Variants in GLDC observed in about 807,000 individuals in gnomAD.
GLDC encodes the protein glycine decarboxylase, also known as glycine dehydrogenase (decarboxylating), mitochondrial.
GLDC carries 104 observed loss-of-function variants against 121.3 expected under a neutral mutation model. The ratio of observed to expected loss-of-function variants is 0.86; its 90% CI spans 0.73 to 1.01. The LOEUF (loss-of-function observed/expected upper bound fraction) is 1.01. GLDC is among the 50% of genes least tolerant of loss of function. GLDC has a pLI of 0.00. For missense variants in GLDC, 1,429 were observed against 1,306.6 expected (o/e 1.09, Z -1.44); for synonymous variants, 546 against 480.6 (o/e 1.14, Z -1.78).
chr9:6,536,354 A>C, intron 22 of GLDC, 118 bp from the exon 23 acceptor site: 1 of 908,622 alleles, frequency 1.1e-6, no homozygotes, highest in Non-Finnish European at 1.8e-6. Flanking sequence ...ATACATTTGC[A>C]AATGTATGTA....
chr9:6,565,846 C>T (rs1170717164), intron 15 of GLDC: 2 of 365,358 alleles, frequency 5.5e-6, no homozygotes, highest in Admixed American at 4.3e-5. Context: ...TTCTCACTAA[C>T]CACTTTCATG....
intron 2 of GLDC, among the ~76,000 whole-genome samples, chr9:6,643,384 G>A (rs1163233637): frequency 6.6e-6 from 1 of 150,646 alleles, no homozygotes; most frequent in Non-Finnish European, 1.5e-5. Context: ...TACCTCAAAT[G>A]TCCACCTTCA....
chr9:6,549,510 G>T (rs1012725066), intron 21 of GLDC, among the ~76,000 whole-genome samples: 5 of 152,144 alleles, frequency 3.3e-5, no homozygotes, highest in African/African-American at 4.8e-5. Context: ...CCCCTCACCA[G>T]GCACCCAACT....
rs546306047 is a variant in GLDC, at chr9:6,630,386, C to T, written c.335-10067G>A. Among the ~76,000 whole-genome samples the T allele has an allele frequency of 2.6e-5, 4 of 152,314 alleles. No individual in the cohort carries two copies. The East Asian group carries it at 7.7e-4, about 29-fold the overall frequency. ...GTCCCAGGCATCAGTAGGCCATCCACAGACCATGTTCTGGGGAGCCCAGCC... is the reference window on the plus strand; with the variant it reads ...GTCCCAGGCATCAGTAGGCCATCCATAGACCATGTTCTGGGGAGCCCAGCC... On this transcript the variant is annotated intron_variant, in intron 2 of 24. Coordinates refer to ENST00000321612, the MANE Select transcript of GLDC (RefSeq NM_000170.3).
chr9:6,597,613 A>G (rs1164219367), intron 8 of GLDC, among the ~76,000 whole-genome samples: 1 of 152,124 alleles, frequency 6.6e-6, no homozygotes, highest in South Asian at 2.1e-4. Flanking sequence ...CCAATGAAAG[A>G]GCTGCTCATT....
intron 2 of GLDC, among the ~76,000 whole-genome samples, chr9:6,636,771 T>C (rs2438410): frequency 0.34 from 51,272 of 151,580 alleles, 9,658 homozygotes; most frequent in East Asian, 0.51. Context: ...TGAGACCCCA[T>C]CTCAAAAATA....
At chr9:6,572,418 G>T (rs1157766873) in intron 15 of GLDC, among the ~76,000 whole-genome samples, 1 of 152,164 alleles carries the variant, frequency 6.6e-6, no homozygotes, top group Non-Finnish European at 1.5e-5. Flanking sequence ...GAGTTTAGAG[G>T]TGTGTGTGGG....
At position 6,605,080 on chromosome 9, in the gene GLDC, T is replaced by C. The variant is rs751466355; in HGVS notation, c.861+51A>G. The C allele has an allele frequency of 3.7e-5, 56 of 1,508,774 alleles. 1 individual carries two copies. In the South Asian group the frequency reaches 4.1e-4, roughly 11 times the overall value. The allele number at this position is 1,508,774 out of a possible 1,614,324, so 93.5% of individuals were successfully genotyped here. ...ACAGAGAGAGAGATAGGTAGACAGA[T>C]ACAAGTTGGGATACGCCTCCACGGA... On this transcript the variant is annotated intron_variant, in intron 6 of 24. Transcript: ENST00000321612.
In GLDC at chr9:6,592,631, C is replaced by T. The variant is rs942274795; in HGVS notation, c.1401+220G>A. Reference sequence around the variant, plus strand: ...TGAACAAAATATGTGCATTTCAGTCCCACATATGAAAACACTAAGTCTAAA... The same window carrying T: ...TGAACAAAATATGTGCATTTCAGTCTCACATATGAAAACACTAAGTCTAAA... On this transcript the variant is annotated intron_variant, in intron 10 of 24. Coordinates refer to ENST00000321612, the MANE Select transcript of GLDC (RefSeq NM_000170.3). Among the ~76,000 whole-genome samples, 4 of 152,032 alleles carry T rather than the reference C, an allele frequency of 2.6e-5. No individual in the cohort carries two copies. In the South Asian group the frequency reaches 8.3e-4, roughly 31 times the overall value.
intron 17 of GLDC, chr9:6,558,111 GA>G (rs1487428804): frequency 4.0e-6 from 1 of 248,032 alleles, no homozygotes; most frequent in Non-Finnish European, 7.8e-6. Flanking sequence ...TTGGGAGGTT[GA>G]GAGTGGGGGT....
Position 6,645,368 on chromosome 9 carries a change from G to C in GLDC, c.132C>G (p.Ser44Arg), listed in dbSNP as rs771189520. The C allele has an allele frequency of 2.1e-5, 32 of 1,535,374 alleles. No individual in the cohort carries two copies. The South Asian group carries it at 3.6e-4, about 17-fold the overall frequency. The change falls in exon 1 of 25, where the codon AGC becomes AGG. Residue 44 changes from serine (S) to arginine (R), a missense_variant. Coordinates refer to ENST00000321612, the MANE Select transcript of GLDC (RefSeq NM_000170.3). ...GGAGGCGCGAGGCCCCAGCCGCGGC[G>C]CTGTCCCCGCCGCCACTGCTGCTGT... is the stretch of plus-strand genomic sequence containing the variant. ...SRDSSSGGGD[S>R]AAAGASRLLE... is the part of the protein sequence containing the mutation.
intron 3 of GLDC, among the ~76,000 whole-genome samples, chr9:6,617,281 G>C (rs1468480806): frequency 2.0e-5 from 3 of 152,276 alleles, no homozygotes; most frequent in South Asian, 4.1e-4. Flanking sequence ...CACCTGAAAA[G>C]TAAATGAAAA....
chr9:6,568,143 T>A (rs748867376), intron 15 of GLDC, among the ~76,000 whole-genome samples: 5 of 152,192 alleles, frequency 3.3e-5, no homozygotes, highest in Non-Finnish European at 7.3e-5. Flanking sequence ...GAGCCAGTAG[T>A]GTAGGAGAAA....
At chr9:6,544,364 C>T (rs147419339) in intron 21 of GLDC, among the ~76,000 whole-genome samples, 1 of 152,082 alleles carries the variant, frequency 6.6e-6, no homozygotes, top group Non-Finnish European at 1.5e-5. Context: ...TCCGCAGGGA[C>T]AGGTATTTGC....
At chr9:6,610,474 A>G (rs907801032) in intron 3 of GLDC, 118 bp from the exon 4 acceptor site, 16 of 881,900 alleles carry the variant, frequency 1.8e-5, no homozygotes, top group Non-Finnish European at 3.0e-5. Flanking sequence ...GGAGAATTAC[A>G]TAACACACCA....
At chr9:6,608,481 C>G (rs1372458017) in intron 4 of GLDC, among the ~76,000 whole-genome samples, 1 of 150,002 alleles carries the variant, frequency 6.7e-6, no homozygotes, top group Non-Finnish European at 1.5e-5. Flanking sequence ...TGGCTCACGC[C>G]TATAATCCCA....
chr9:6,643,272 C>G (rs773063250), intron 2 of GLDC, among the ~76,000 whole-genome samples: 3 of 151,766 alleles, frequency 2.0e-5, no homozygotes, highest in African/African-American at 7.3e-5. Context: ...TAGTTCAATT[C>G]AGCAAAACAT....
rs1359478814 is a variant in GLDC at position 6,645,469 on chromosome 9, G to T, written c.31C>A (p.Arg11Ser). The T allele has an allele frequency of 1.6e-6, 2 of 1,249,034 alleles. No homozygotes were observed. Among genetic ancestry groups the T allele is most frequent in the African/African-American group, 3.2e-5 (2 of 63,160 alleles). The allele number at this position is 1,249,034 out of a possible 1,614,324, so 77.4% of individuals were successfully genotyped here. Residue 11 changes from arginine to serine, a missense_variant, in exon 1 of 25, where the codon CGC (arginine) becomes AGC (serine). Transcript: ENST00000321612. ...CCGCCCCCGACCCCGCGGCCCAGGC[G>T]CAGCCCCCACGCCCTGGCACAGGAC... MQSCARAWGL[R>S]LGRGVGGGRR...
chr9:6,588,464 T>C, intron 13 of GLDC, 22 bp from the exon 14 acceptor site: 1 of 1,599,480 alleles, frequency 6.3e-7, no homozygotes, highest in Non-Finnish European at 8.6e-7. Context: ...ACATCCAAAA[T>C]GTATCACATT....
Sources: gnomAD v4.1 joint callset for allele counts (sites outside exome capture counted in the v4.1 genomes callset) on GRCh38, gnomAD v4.1.1 for gene constraint, MANE v1.5 for transcripts, NCBI Gene and HGNC (gene_info 2026-07-23, HGNC 2026-07-21) for gene names.